Variants in IGF2BP3 observed in about 807,000 individuals in gnomAD.
The protein encoded by IGF2BP3 is insulin-like growth factor 2 mRNA-binding protein 3.
Under a neutral mutation model 73.8 loss-of-function variants are expected in IGF2BP3, and 9 were observed. The ratio of observed to expected loss-of-function variants is 0.12; its 90% CI spans 0.07 to 0.21. IGF2BP3 has a LOEUF of 0.21. Among genes scored for constraint, IGF2BP3 ranks in the 10% least tolerant of loss-of-function variants. The pLI is 1.00. For missense variants in IGF2BP3, 542 were observed against 714.0 expected (o/e 0.76, Z 2.75); for synonymous variants, 258 against 256.7 (o/e 1.01, Z -0.05).
At chr7:23,384,478 A>G (rs891128146) in intron 3 of IGF2BP3, among the ~76,000 whole-genome samples, 1 of 152,226 alleles carries the variant, frequency 6.6e-6, no homozygotes, top group African/African-American at 2.4e-5. Flanking sequence ...AGTTTAACAA[A>G]GTCCTATTTA....
chr7:23,394,240 G>C (rs1259157990), intron 3 of IGF2BP3, among the ~76,000 whole-genome samples: 1 of 152,202 alleles, frequency 6.6e-6, no homozygotes, highest in Non-Finnish European at 1.5e-5. Context: ...GCCAGGGCAA[G>C]CTAAGTGTAT....
chr7:23,347,461 C>G (rs954577626), intron 7 of IGF2BP3, 139 bp downstream of exon 7: 1 of 808,372 alleles, frequency 1.2e-6, no homozygotes, highest in African/African-American at 1.7e-5. Flanking sequence ...ACAACCAGAT[C>G]AACAGTGCCA....
intron 10 of IGF2BP3, among the ~76,000 whole-genome samples, chr7:23,329,037 G>A (rs1231320073): frequency 1.3e-5 from 2 of 151,860 alleles, no homozygotes; most frequent in Admixed American, 6.6e-5. Context: ...GTGAAACCCC[G>A]TCTCTGCTAA....
chr7:23,405,059 A>G (rs1350903256), intron 3 of IGF2BP3: 1 of 152,208 alleles, frequency 6.6e-6, no homozygotes, highest in African/African-American at 2.4e-5. Context: ...TTGAACACGC[A>G]TTTCTTTTAA....
In IGF2BP3 at chr7:23,319,260, A is replaced by G. The variant is rs1352822311; in HGVS notation, c.1204-6T>C. The G allele has an allele frequency of 6.3e-7, 1 of 1,583,772 alleles. No homozygotes were observed. The highest frequency in any genetic ancestry group is 1.7e-5 in the Admixed American group (1 of 57,542). On this transcript the variant is annotated splice_polypyrimidine_tract_variant and splice_region_variant and intron_variant, in intron 10 of 14. Coordinates refer to ENST00000258729, the MANE Select transcript of IGF2BP3 (RefSeq NM_006547.3). ...ACAGTCTCCGTTTCTGATTGCTGTT[A>G]GAAAAGAAAGCCAGGACACCCATGT...
At chr7:23,404,463 G>A (rs975843145) in intron 3 of IGF2BP3, among the ~76,000 whole-genome samples, 7 of 152,108 alleles carry the variant, frequency 4.6e-5, no homozygotes, top group Non-Finnish European at 8.8e-5. Context: ...AATCCAGCAA[G>A]ATGAACACAG....
chr7:23,376,313 T>G (rs1785716148), intron 3 of IGF2BP3, among the ~76,000 whole-genome samples: 2 of 151,720 alleles, frequency 1.3e-5, no homozygotes, highest in South Asian at 2.1e-4. Context: ...TCCCAGCACT[T>G]TGAGAGGCCA....
At chr7:23,345,118 G>A (rs1377212469) in intron 8 of IGF2BP3, among the ~76,000 whole-genome samples, 4 of 151,930 alleles carry the variant, frequency 2.6e-5, no homozygotes, top group African/African-American at 4.8e-5. Flanking sequence ...CACAAACACC[G>A]TGCAGTCTTT....
At chr7:23,414,150 CAA>C (rs1228469847) in intron 3 of IGF2BP3, 13 of 126,636 alleles carry the variant, frequency 1.0e-4, no homozygotes, top group South Asian at 2.5e-4. Flanking sequence ...ACTCTGTCTC[CAA>C]AAAAAAAAAA....
In IGF2BP3 at chr7:23,469,120, G is replaced by T. The variant is rs1584078593; in HGVS notation, c.176-578C>A. 1.3e-5 allele frequency: 2 copies of T among 153,490 alleles called. No homozygotes were observed. Among genetic ancestry groups the T allele is most frequent in the East Asian group, 3.7e-4 (2 of 5,470 alleles). 9.5% of individuals were successfully genotyped at this position (153,490 alleles called of 1,614,324 possible). On this transcript the variant is annotated intron_variant, in intron 1 of 14. Coordinates refer to ENST00000258729, the MANE Select transcript of IGF2BP3 (RefSeq NM_006547.3). This position sits in a 1 kb window ranked among gnomAD's most constrained non-coding sequence, Gnocchi z 6.1. ...ACGGCGAGGCGCCCGCACCACGTCTGAATTGATTAAAAGGGAAGCCGAAAG... is the reference window on the plus strand; with the variant it reads ...ACGGCGAGGCGCCCGCACCACGTCTTAATTGATTAAAAGGGAAGCCGAAAG...
intron 2 of IGF2BP3, among the ~76,000 whole-genome samples, chr7:23,448,168 TCAG>T (rs1788109454): frequency 6.6e-6 from 1 of 152,182 alleles, no homozygotes; most frequent in Admixed American, 6.6e-5. Context: ...ATGTAAACTG[TCAG>T]AAGAAATGTT....
intron 2 of IGF2BP3, among the ~76,000 whole-genome samples, chr7:23,419,508 A>G (rs1015753865): frequency 2.0e-5 from 3 of 152,226 alleles, no homozygotes; most frequent in African/African-American, 7.2e-5. Context: ...TGCTAACTAC[A>G]TTTTAAAATA....
rs548147211 is a variant in IGF2BP3 at position 23,442,208 on chromosome 7, TA to T, written c.237-23385del. ...TTTCTGTCTCCCTAGCACCTAGGCATAATGGTTGTCATTGGCAGGGCTCAAA... is the reference window on the plus strand; with the variant it reads ...TTTCTGTCTCCCTAGCACCTAGGCATATGGTTGTCATTGGCAGGGCTCAAA... On this transcript the variant is annotated intron_variant, in intron 2 of 14. Transcript: ENST00000258729. Among the ~76,000 whole-genome samples the T allele has an allele frequency of 3.2e-4, 49 of 152,330 alleles. No homozygotes were observed. The South Asian group carries it at 8.1e-3, about 25-fold the overall frequency.
At position 23,343,788 on chromosome 7, in the gene IGF2BP3, CAT is replaced by C. The variant is rs1282810304; in HGVS notation, c.1005_1006del (p.Ala337GlnfsTer3). 1 of 1,612,378 alleles carries C rather than the reference CAT, an allele frequency of 6.2e-7. No homozygotes were observed. The highest frequency in any genetic ancestry group is 8.5e-7 in the Non-Finnish European group (1 of 1,178,938). ...CATGATCTCCTCCTCAGCTTTGGCA[CAT>C]GTCTCAACATTGCCTTTAACTGTAA... On this transcript the variant is annotated frameshift_variant, in exon 9 of 15. Transcript: ENST00000258729. LOFTEE classifies it high-confidence loss of function.
chr7:23,463,956 A>G (rs1788506677), intron 2 of IGF2BP3, among the ~76,000 whole-genome samples: 1 of 152,238 alleles, frequency 6.6e-6, no homozygotes, highest in Non-Finnish European at 1.5e-5. Context: ...AAAGTTTCCT[A>G]ACATTCAGAA....
chr7:23,373,057 G>A (rs1015201687), intron 3 of IGF2BP3, among the ~76,000 whole-genome samples: 7 of 152,052 alleles, frequency 4.6e-5, no homozygotes, highest in African/African-American at 4.8e-5. Flanking sequence ...ATACACCGAC[G>A]GAAACCAGTT....
chr7:23,370,698 GAC>G (rs763102074), intron 3 of IGF2BP3, among the ~76,000 whole-genome samples: 20 of 148,142 alleles, frequency 1.4e-4, no homozygotes, highest in Non-Finnish European at 2.2e-4. Flanking sequence ...TTTTTTTTAA[GAC>G]AGAGTCTTGC....
Position 23,467,335 on chromosome 7 carries a change from C to T in IGF2BP3, c.236+1147G>A, listed in dbSNP as rs561414064. On this transcript the variant is annotated intron_variant, in intron 2 of 14. Coordinates refer to ENST00000258729, the MANE Select transcript of IGF2BP3 (RefSeq NM_006547.3). ...GCACCAGAGAAATGCATAGCAAACC[C>T]TCCTGCTCTCCAGCACACACTCTCT... Among the ~76,000 whole-genome samples the T allele has an allele frequency of 7.4e-4, 112 of 152,328 alleles. 1 individual carries two copies. Among genetic ancestry groups the T allele is most frequent in the African/African-American group, 2.6e-3 (107 of 41,556 alleles).
intron 2 of IGF2BP3, among the ~76,000 whole-genome samples, chr7:23,424,201 A>G (rs1329852569): frequency 6.7e-6 from 1 of 149,166 alleles, no homozygotes; most frequent in Non-Finnish European, 1.5e-5. Context: ...TCAGGCTAAT[A>G]GATTAAAAAT....
Sources: allele counts gnomAD v4.1 joint callset (sites outside exome capture counted in the v4.1 genomes callset), GRCh38; gene constraint gnomAD v4.1.1; non-coding constraint Gnocchi (gnomAD v3.1); transcripts MANE v1.5; gene names NCBI Gene and HGNC (gene_info 2026-07-23, HGNC 2026-07-21).